The following HIP1R variants were observed in gnomAD, a reference collection of about 807,000 sequenced individuals.
HIP1R encodes the protein huntingtin interacting protein 1 related, also known as huntingtin-interacting protein 1-related protein.
HIP1R carries 135 observed loss-of-function variants against 144.2 expected under a neutral mutation model. That is an observed-to-expected ratio of 0.94 (90% confidence interval 0.81 to 1.08). The LOEUF is 1.08. Ranked by LOEUF, HIP1R falls within the 50% of genes least tolerant of loss-of-function variation. The pLI, the probability that HIP1R is intolerant of heterozygous loss-of-function variation, is 0.00. For missense variants in HIP1R, 1,462 were observed against 1,432.8 expected (o/e 1.02, Z -0.33); for synonymous variants, 698 against 612.8 (o/e 1.14, Z -2.05).
At chr12:122,860,239 T>TC in intron 26 of HIP1R, 29 bp downstream of exon 26, 1 of 1,541,062 alleles carries the variant, frequency 6.5e-7, no homozygotes, top group Non-Finnish European at 8.7e-7. Context: ...CAGGGCACAG[T>TC]CCACAAGGAG....
In HIP1R at chr12:122,847,519, G is replaced by C. The variant is rs372227654; in HGVS notation, c.94-512G>C. Among the ~76,000 whole-genome samples the C allele has an allele frequency of 2.0e-4, 30 of 152,366 alleles. 1 individual carries two copies. The South Asian group carries it at 4.3e-3, about 22-fold the overall frequency. On this transcript the variant is annotated intron_variant, in intron 1 of 31. Coordinates refer to ENST00000253083, the MANE Select transcript of HIP1R (RefSeq NM_003959.3). The stretch of plus-strand genomic sequence containing the variant: ...ACCCAGGAGAGGGGCAGCCTATGGG[G>C]CAGTGGGCCACAGGCCCTGGGCTTT...
chr12:122,854,012 T>C, intron 7 of HIP1R, 31 bp from the exon 8 acceptor site: 1 of 1,606,890 alleles, frequency 6.2e-7, no homozygotes. Context: ...TCCCAAGGGC[T>C]CACGTTCTTC....
chr12:122,856,833 C>T, intron 17 of HIP1R, 107 bp downstream of exon 17: 1 of 1,120,972 alleles, frequency 8.9e-7, no homozygotes, highest in Non-Finnish European at 1.3e-6. Context: ...ACTCGGTGAT[C>T]CTGGGATGCA....
chr12:122,835,240 G>T (rs1457547924), upstream of HIP1R, among the ~76,000 whole-genome samples: 5 of 109,696 alleles, frequency 4.6e-5, no homozygotes, highest in Admixed American at 8.4e-5. Context: ...GCCGCGGGAT[G>T]GGGGGTTGGG....
At position 122,855,083 on chromosome 12, in the gene HIP1R, C is replaced by T. The variant is rs1201320518; in HGVS notation, c.807C>T (p.Asp269=). The part of the protein sequence containing the change: ...SLRNFFRRAS[D]MLYFKRLIQI... ...GGAACTTCTTCCGCAGAGCCTCCGA[C>T]ATGCTGTACTTCAAGCGGCTCATCC... is the stretch of plus-strand genomic sequence containing the variant. Residue 269 remains aspartate, a synonymous_variant, in exon 10 of 32, where the codon GAC becomes GAT. Coordinates refer to ENST00000253083, the MANE Select transcript of HIP1R (RefSeq NM_003959.3). The T allele has an allele frequency of 2.5e-6, 4 of 1,613,870 alleles. No individual in the cohort carries two copies. The highest frequency in any genetic ancestry group is 3.4e-6 in the Non-Finnish European group (4 of 1,180,028).
At chr12:122,849,986 G>A (rs1360410078) in intron 5 of HIP1R, 31 bp downstream of exon 5, 2 of 1,485,364 alleles carry the variant, frequency 1.3e-6, no homozygotes, top group Non-Finnish European at 1.9e-6. Context: ...ATGGGGCTGA[G>A]GGACCCGTGG....
intron 17 of HIP1R, 92 bp downstream of exon 17, chr12:122,856,818 G>T (rs2135671216): frequency 8.5e-7 from 1 of 1,172,056 alleles, no homozygotes; most frequent in South Asian, 1.4e-5. Flanking sequence ...CCCCACCTGG[G>T]TGCCACTCGG....
chr12:122,851,345 C>A, intron 7 of HIP1R, 48 bp downstream of exon 7: 1 of 1,427,744 alleles, frequency 7.0e-7, no homozygotes, highest in Non-Finnish European at 9.3e-7. Context: ...TTGCTAAGTC[C>A]CCAGAGATGG....
At chr12:122,841,224 G>C (rs1000634402) in intron 1 of HIP1R, among the ~76,000 whole-genome samples, 1 of 152,104 alleles carries the variant, frequency 6.6e-6, no homozygotes, top group Non-Finnish European at 1.5e-5. Context: ...AAGCCTCTCT[G>C]TGCTGCCCAG....
intron 8 of HIP1R, 114 bp from the exon 9 acceptor site, chr12:122,854,791 G>A (rs1206832648): frequency 8.9e-6 from 10 of 1,125,184 alleles, no homozygotes; most frequent in Middle Eastern, 2.3e-4. Flanking sequence ...GGCCTGGCCC[G>A]GTCTCAGGTG....
chr12:122,850,290 A>G (rs1371229356), intron 5 of HIP1R: 1 of 506,762 alleles, frequency 2.0e-6, no homozygotes, highest in Admixed American at 2.3e-5. Context: ...TGTGGGCCAC[A>G]GCCTGGGTCT....
Position 122,854,981 on chromosome 12 carries a change from A to G in HIP1R, c.776+19A>G, listed in dbSNP as rs377234328. The G allele has an allele frequency of 7.9e-5, 127 of 1,613,204 alleles. No individual in the cohort carries two copies. The highest frequency in any genetic ancestry group is 1.1e-4 in the Non-Finnish European group (125 of 1,179,720). On this transcript the variant is annotated intron_variant, in intron 9 of 31. Transcript: ENST00000253083. ...TTCACAGGTACTGCCTGGGACAGGG[A>G]CAGGATTGAGGCCGGTGGGGGAGAG...
At chr12:122,853,129 G>T (rs2033449251) in intron 7 of HIP1R, among the ~76,000 whole-genome samples, 1 of 152,124 alleles carries the variant, frequency 6.6e-6, no homozygotes, top group Non-Finnish European at 1.5e-5. Flanking sequence ...CATTCTCTCT[G>T]CCCCAGAGAA....
chr12:122,838,319 GT>G (rs775183205), intron 1 of HIP1R, among the ~76,000 whole-genome samples: 3,572 of 142,572 alleles, frequency 0.025, 120 homozygotes, highest in African/African-American at 0.097. Context: ...AGTCCCTTTG[GT>G]TAAAAAAAAA....
rs527493363 is a variant in HIP1R at position 122,861,853 on chromosome 12, C to T, written c.*100C>T. 1.8e-6 allele frequency: 2 copies of T among 1,081,456 alleles called. No homozygotes were observed. The highest frequency in any genetic ancestry group is 2.5e-5 in the East Asian group (1 of 39,712). The allele number at this position is 1,081,456 out of a possible 1,614,324, so 67.0% of individuals were successfully genotyped here. On this transcript the variant is annotated 3_prime_UTR_variant, in exon 32 of 32. Transcript: ENST00000253083. ...CTTGCCCCTCCACCTGGTGCCCAAGCCTCCCGCCCCACCGTCTGGATCAAT... is the reference window on the plus strand; with the variant it reads ...CTTGCCCCTCCACCTGGTGCCCAAGTCTCCCGCCCCACCGTCTGGATCAAT...
rs750056510 is a variant in HIP1R, at chr12:122,859,067, T to C, written c.2165T>C (p.Ile722Thr). ...LAPTDPADRLIDTCRECGARA... is the reference protein window; with the variant it reads ...LAPTDPADRLTDTCRECGARA... ...CGGTCCTTTCTCACCCCAGGCCTCA[T>C]AGACACCTGCAGGGAGTGCGGGGCC... Residue 722 changes from isoleucine to threonine, a missense_variant, in exon 22 of 32, where the codon ATA (isoleucine) becomes ACA (threonine). Ile to Thr is a moderately conservative substitution (Grantham distance 89). Transcript: ENST00000253083. The C allele has an allele frequency of 5.0e-6, 8 of 1,606,214 alleles. No homozygotes were observed. Among genetic ancestry groups the C allele is most frequent in the African/African-American group, 1.3e-5 (1 of 74,676 alleles).
At chr12:122,852,726 C>G (rs577078414) in intron 7 of HIP1R, among the ~76,000 whole-genome samples, 1 of 152,188 alleles carries the variant, frequency 6.6e-6, no homozygotes, top group East Asian at 1.9e-4. Flanking sequence ...GAGCAGAGAA[C>G]GGAGGGTGGT....
intron 1 of HIP1R, among the ~76,000 whole-genome samples, chr12:122,838,895 G>T (rs992120642): frequency 4.6e-5 from 7 of 152,200 alleles, no homozygotes; most frequent in African/African-American, 1.7e-4. Flanking sequence ...TGGAAAAGGC[G>T]AGGAAATGGA....
chr12:122,856,609 C>T lies in HIP1R; in HGVS notation c.1519-16C>T, dbSNP rs771368812. ...TCCCCAGCCCACTGCCCCAGTGACA[C>T]GCTGTCCTGTCCCAGCTAGAGGAGA... On this transcript the variant is annotated splice_polypyrimidine_tract_variant and intron_variant, in intron 16 of 31. Coordinates refer to ENST00000253083, the MANE Select transcript of HIP1R (RefSeq NM_003959.3). 2.8e-5 allele frequency: 45 copies of T among 1,600,692 alleles called. No homozygotes were observed. Among genetic ancestry groups the T allele is most frequent in the Admixed American group, 8.6e-5 (5 of 57,932 alleles).
Sources: allele counts gnomAD v4.1 joint callset (sites outside exome capture counted in the v4.1 genomes callset), GRCh38; gene constraint gnomAD v4.1.1; transcripts MANE v1.5; gene names NCBI Gene and HGNC (gene_info 2026-07-23, HGNC 2026-07-21).